TENT4B: variants seen among roughly 807,000 people sequenced by gnomAD.
TENT4B encodes the protein terminal nucleotidyltransferase 4B.
TENT4B carries 10 observed loss-of-function variants against 75.0 expected under a neutral mutation model. The observed-to-expected ratio is 0.13, with a 90% confidence interval of 0.08 to 0.23. The LOEUF is 0.23. Among genes scored for constraint, TENT4B ranks in the 10% least tolerant of loss-of-function variants. TENT4B has a pLI of 1.00. For synonymous variants in TENT4B, 350 were observed against 357.7 expected (o/e 0.98, Z 0.24); for missense variants, 579 against 893.8 (o/e 0.65, Z 4.49).
chr16:50,217,365 C>A (rs2031614448), intron 4 of TENT4B, among the ~76,000 whole-genome samples, 191 bp from the exon 5 acceptor site: 1 of 151,910 alleles, frequency 6.6e-6, no homozygotes, highest in African/African-American at 2.4e-5. Context: ...TGTATGGGAC[C>A]CAGTGCTAAA....
chr16:50,230,831 CT>C lies in TENT4B; in HGVS notation c.*1506del, dbSNP rs1472399265. 1 of 985,394 alleles carries C rather than the reference CT, an allele frequency of 1.0e-6. No individual in the cohort carries two copies. Among genetic ancestry groups the C allele is most frequent in the African/African-American group, 1.7e-5 (1 of 57,168 alleles). 61.0% of individuals were successfully genotyped at this position (985,394 alleles called of 1,614,324 possible). A position where few individuals can be genotyped will look rare whatever the true frequency, so the allele number is the denominator to read the frequency against. ...AATGTAAGTGACATTTCTGAAAATG[CT>C]TTCTTTCAGGGTGAAAGCTCTTATG... is the stretch of plus-strand genomic sequence containing the variant. On this transcript the variant is annotated 3_prime_UTR_variant, in exon 12 of 12. Transcript: ENST00000561678.
In TENT4B at chr16:50,222,288, T is replaced by A; in HGVS notation, c.1039-18T>A. On this transcript the variant is annotated intron_variant, in intron 5 of 11. Transcript: ENST00000561678. ...TGCTGATACAGGAATTCATTGAAAA[T>A]ACAATTTTCTTTTTCAGAAATATCC... is the stretch of plus-strand genomic sequence containing the variant. The A allele has an allele frequency of 6.4e-7, 1 of 1,564,120 alleles. No individual in the cohort carries two copies.
At chr16:50,228,081 G>C in intron 11 of TENT4B, 78 bp downstream of exon 11, 1 of 1,505,098 alleles carries the variant, frequency 6.6e-7, no homozygotes, top group East Asian at 2.5e-5. Context: ...ATAATATGCA[G>C]CATGGGTTTG....
intron 1 of TENT4B, among the ~76,000 whole-genome samples, chr16:50,188,558 A>C (rs940486322): frequency 6.6e-6 from 1 of 152,228 alleles, no homozygotes; most frequent in African/African-American, 2.4e-5. Context: ...TTGAAATGAA[A>C]ACACAGCATT....
chr16:50,220,021 CT>C (rs2031752583), intron 5 of TENT4B, among the ~76,000 whole-genome samples: 1 of 149,326 alleles, frequency 6.7e-6, no homozygotes, highest in African/African-American at 2.5e-5. Flanking sequence ...TGGAGTCTCA[CT>C]CTGTTGCCCA....
At chr16:50,179,724 G>T (rs751342643) in intron 1 of TENT4B, among the ~76,000 whole-genome samples, 1 of 152,198 alleles carries the variant, frequency 6.6e-6, no homozygotes, top group Non-Finnish European at 1.5e-5. Context: ...CCTCAGAGAA[G>T]TTAAGTGACA....
intron 1 of TENT4B, among the ~76,000 whole-genome samples, chr16:50,178,105 AT>A (rs2038343636): frequency 7.7e-6 from 1 of 129,410 alleles, no homozygotes; most frequent in Non-Finnish European, 1.7e-5. Context: ...ATTCTTTTCA[AT>A]TTGTTAAGGT....
Position 50,229,152 on chromosome 16 carries a change from C to A in TENT4B, c.1966C>A (p.His656Asn). 1 of 1,613,406 alleles carries A rather than the reference C, an allele frequency of 6.2e-7. No homozygotes were observed. Among genetic ancestry groups the A allele is most frequent in the Non-Finnish European group, 8.5e-7 (1 of 1,179,676 alleles). Reference sequence around the variant, plus strand: ...TTGTGGTCGTTTTCTGTTTCTGCAGCATGGATCAGCAAGGCTCTTTCGTTC... The same window carrying A: ...TTGTGGTCGTTTTCTGTTTCTGCAGAATGGATCAGCAAGGCTCTTTCGTTC... ...NTSNSTNKSQHGSARLFRSSS... is the reference protein window; with the variant it reads ...NTSNSTNKSQNGSARLFRSSS... Residue 656 changes from histidine to asparagine, a missense_variant and splice_region_variant, in exon 12 of 12, where the codon CAT becomes AAT. This residue lies in a region of TENT4B where 164 missense variants were observed against 226.5 expected (regional missense o/e 0.72). Transcript: ENST00000561678.
In TENT4B at chr16:50,229,540, A is replaced by AG. The variant is rs1452303148; in HGVS notation, c.*215dup. ...ACAAAAAAAAAAGCAAGCAAAAAAG[A>AG]GGGAAAAAAAAGGCTGCTTATTTGA... On this transcript the variant is annotated 3_prime_UTR_variant, in exon 12 of 12. Transcript: ENST00000561678. 3.2e-6 allele frequency: 4 copies of AG among 1,266,422 alleles called. No individual in the cohort carries two copies. The highest frequency in any genetic ancestry group is 3.0e-6 in the Non-Finnish European group (3 of 1,010,174). The allele number at this position is 1,266,422 out of a possible 1,614,324, so 78.4% of individuals were successfully genotyped here.
At position 50,196,531 on chromosome 16, in the gene TENT4B, TTCA is replaced by T. The variant is rs1337009359; in HGVS notation, c.639-14787_639-14785del. On this transcript the variant is annotated intron_variant, in intron 1 of 11. Transcript: ENST00000561678. ...CATCATCATCATCATCATCATCTCC[TTCA>T]TCATGAAAGGAAGAAGCTACCAATG... Among the ~76,000 whole-genome samples the T allele has an allele frequency of 1.0e-3, 148 of 146,344 alleles. 2 individuals carry two copies. Among genetic ancestry groups the T allele is most frequent in the African/African-American group, 3.6e-3 (142 of 39,498 alleles).
At chr16:50,217,861 GT>G (rs890373954) in intron 5 of TENT4B, among the ~76,000 whole-genome samples, 198 bp downstream of exon 5, 1 of 151,540 alleles carries the variant, frequency 6.6e-6, no homozygotes, top group Non-Finnish European at 1.5e-5. Flanking sequence ...AAACTCCTGG[GT>G]TCAAGTGGTC....
intron 1 of TENT4B, among the ~76,000 whole-genome samples, chr16:50,201,249 G>T (rs537361756): frequency 6.6e-6 from 1 of 152,124 alleles, no homozygotes; most frequent in Non-Finnish European, 1.5e-5. Flanking sequence ...AAAAATACCA[G>T]CCCTGGGCTG....
intron 2 of TENT4B, among the ~76,000 whole-genome samples, chr16:50,211,907 G>A (rs894389934): frequency 3.9e-5 from 6 of 152,194 alleles, no homozygotes; most frequent in Admixed American, 2.0e-4. Flanking sequence ...GCTAATGCAC[G>A]CATAAGTCTT....
In TENT4B at chr16:50,227,901, C is replaced by T; in HGVS notation, c.1863C>T (p.Asn621=). ...KQLLCRPSTG[N]RVGSQDVSLE... is the part of the protein sequence containing the mutation. ...TGCTTTGCCGTCCGTCCACTGGGAACCGAGTAGGGTCGCAAGATGTATCCT... is the reference window on the plus strand; with the variant it reads ...TGCTTTGCCGTCCGTCCACTGGGAATCGAGTAGGGTCGCAAGATGTATCCT... Residue 621 remains asparagine, a synonymous_variant, in exon 11 of 12, where the codon AAC becomes AAT. Transcript: ENST00000561678. 2 of 1,614,014 alleles carry T rather than the reference C, an allele frequency of 1.2e-6. No homozygotes were observed. The highest frequency in any genetic ancestry group is 1.7e-6 in the Non-Finnish European group (2 of 1,179,900).
At chr16:50,186,044 T>G (rs1470460145) in intron 1 of TENT4B, among the ~76,000 whole-genome samples, 1 of 152,210 alleles carries the variant, frequency 6.6e-6, no homozygotes, top group Non-Finnish European at 1.5e-5. Context: ...CTTATTGTGG[T>G]AAAATATACA....
chr16:50,233,320 T>G lies in TENT4B; in HGVS notation c.*3992T>G. The G allele has an allele frequency of 1.0e-6, 1 of 985,426 alleles. No individual in the cohort carries two copies. The highest frequency in any genetic ancestry group is 4.7e-5 in the South Asian group (1 of 21,290). 61.0% of individuals were successfully genotyped at this position (985,426 alleles called of 1,614,324 possible). On this transcript the variant is annotated 3_prime_UTR_variant, in exon 12 of 12. Coordinates refer to ENST00000561678, the MANE Select transcript of TENT4B (RefSeq NM_001365324.3). ...GCTACCTGCCATCTTGTCAAAACAT[T>G]TGTGGGTAGAATAAGTGTTAAAGAT...
At chr16:50,163,135 C>T (rs1443414528) in intron 1 of TENT4B, among the ~76,000 whole-genome samples, 1 of 152,158 alleles carries the variant, frequency 6.6e-6, no homozygotes, top group East Asian at 1.9e-4. Flanking sequence ...AGTAACTTAA[C>T]TCTTAGCACT....
intron 1 of TENT4B, among the ~76,000 whole-genome samples, chr16:50,206,354 ATT>A (rs35118426): frequency 0.13 from 12,372 of 96,800 alleles, 474 homozygotes; most frequent in Middle Eastern, 0.16. Context: ...ATATGTATGT[ATT>A]TTTTTTTTTT....
rs1235651189 is a variant in TENT4B at position 50,231,330 on chromosome 16, G to A, written c.*2002G>A. ...TATTTTCTAGGACAATTGTGAATGT[G>A]TAGACTTATGTTTACTGCTAAGGGA... is the stretch of plus-strand genomic sequence containing the variant. On this transcript the variant is annotated 3_prime_UTR_variant, in exon 12 of 12. Transcript: ENST00000561678. The A allele has an allele frequency of 1.0e-6, 1 of 981,808 alleles. No homozygotes were observed. The highest frequency in any genetic ancestry group is 1.7e-5 in the African/African-American group (1 of 57,258). The allele number at this position is 981,808 out of a possible 1,614,324, so 60.8% of individuals were successfully genotyped here. A position where few individuals can be genotyped will look rare whatever the true frequency, so the allele number is the denominator to read the frequency against.
Sources: allele counts gnomAD v4.1 joint callset (sites outside exome capture counted in the v4.1 genomes callset), GRCh38; gene constraint gnomAD v4.1.1; regional missense constraint gnomAD v4.1.1; transcripts MANE v1.5; gene names NCBI Gene and HGNC (gene_info 2026-07-23, HGNC 2026-07-21).